Variants in SUPT20H observed in about 807,000 individuals in gnomAD.
SUPT20H encodes transcription factor SPT20 homolog.
A neutral mutation model predicts 122.8 loss-of-function variants in SUPT20H; 82 were observed. That is an observed-to-expected ratio of 0.67 (90% CI 0.56 to 0.80). SUPT20H has a LOEUF of 0.80. Ranked by LOEUF, SUPT20H falls within the 30% of genes least tolerant of loss-of-function variation. The pLI is 0.00. For missense variants in SUPT20H, 831 were observed against 921.6 expected (o/e 0.90, Z 1.27); for synonymous variants, 291 against 313.0 (o/e 0.93, Z 0.74).
chr13:37,015,618 C>G (rs910376397), intron 23 of SUPT20H, among the ~76,000 whole-genome samples: 10 of 152,078 alleles, frequency 6.6e-5, no homozygotes, highest in Non-Finnish European at 1.5e-4. Context: ...CTATGGAAAA[C>G]AGTATGATGC....
At chr13:37,040,374 CTGTT>C (rs910128263) in intron 9 of SUPT20H, 27 bp downstream of exon 9, 1 of 1,538,578 alleles carries the variant, frequency 6.5e-7, no homozygotes, top group African/African-American at 1.4e-5. Flanking sequence ...TATATTTTGC[CTGTT>C]TGAGATTAAA....
chr13:37,052,692 T>G (rs1310920271), intron 1 of SUPT20H, among the ~76,000 whole-genome samples: 1 of 152,122 alleles, frequency 6.6e-6, no homozygotes. Context: ...GGGATCTAAT[T>G]AAACTAAAGA....
Position 37,051,535 on chromosome 13 carries a change from G to A in SUPT20H, c.-45C>T, listed in dbSNP as rs560969109. ...CCAAAAGAAGAGATAACTTATGTAC[G>A]CTGATGAAGTGGGGTGAACACCATG... On this transcript the variant is annotated 5_prime_UTR_variant, in exon 2 of 26. Coordinates refer to ENST00000350612, the MANE Select transcript of SUPT20H (RefSeq NM_001014286.3). 1.1e-5 allele frequency: 18 copies of A among 1,600,548 alleles called. No individual in the cohort carries two copies. Among genetic ancestry groups the A allele is most frequent in the African/African-American group, 4.0e-5 (3 of 74,742 alleles).
intron 23 of SUPT20H, among the ~76,000 whole-genome samples, chr13:37,015,121 C>A (rs1256117111): frequency 1.3e-5 from 2 of 150,050 alleles, no homozygotes; most frequent in Non-Finnish European, 3.0e-5. Context: ...CAATATGATA[C>A]CAAAAGCACA....
At chr13:37,050,347 CAAA>C (rs61668901) in intron 2 of SUPT20H, among the ~76,000 whole-genome samples, 3 of 76,998 alleles carry the variant, frequency 3.9e-5, no homozygotes, top group Non-Finnish European at 7.3e-5. Context: ...CTGTCACTAC[CAAA>C]AAAAAAAAAA....
chr13:37,047,737 T>C lies in SUPT20H; in HGVS notation c.99-136A>G, dbSNP rs182424978. On this transcript the variant is annotated intron_variant, in intron 4 of 25. Coordinates refer to ENST00000350612, the MANE Select transcript of SUPT20H (RefSeq NM_001014286.3). Reference sequence around the variant, plus strand: ...AAAACTGGGGTGGAGCTGAATATAGTAGCTAACATCAACTTAGAAATTCCT... The same window carrying C: ...AAAACTGGGGTGGAGCTGAATATAGCAGCTAACATCAACTTAGAAATTCCT... 445 of 1,195,942 alleles carry C rather than the reference T, an allele frequency of 3.7e-4. 2 individuals carry two copies. In the East Asian group the frequency reaches 0.011, roughly 30 times the overall value. The allele number at this position is 1,195,942 out of a possible 1,614,324, so 74.1% of individuals were successfully genotyped here. A position where few individuals can be genotyped will look rare whatever the true frequency, so the allele number is the denominator to read the frequency against.
intron 13 of SUPT20H, 99 bp downstream of exon 13, chr13:37,029,666 G>T: frequency 1.0e-6 from 1 of 954,620 alleles, no homozygotes. Flanking sequence ...AAAGAAAAAA[G>T]GTCCCAAACT....
Position 37,009,491 on chromosome 13 carries a change from T to C in SUPT20H, c.*181A>G, listed in dbSNP as rs1351036784. 1.2e-6 allele frequency: 1 copy of C among 861,500 alleles called. No individual in the cohort carries two copies. Among genetic ancestry groups the C allele is most frequent in the African/African-American group, 1.7e-5 (1 of 58,566 alleles). 53.4% of individuals were successfully genotyped at this position (861,500 alleles called of 1,614,324 possible). ...AGCAATGACTTAGGCAAACCAACCC[T>C]AGTTTGTTAAACCATTTCCCTGTTT... On this transcript the variant is annotated 3_prime_UTR_variant, in exon 26 of 26. Transcript: ENST00000350612.
chr13:37,010,513 A>G, intron 25 of SUPT20H, 39 bp downstream of exon 25: 1 of 1,559,796 alleles, frequency 6.4e-7, no homozygotes, highest in African/African-American at 1.4e-5. Context: ...GGAGCTGAGT[A>G]TCTTTAAAAA....
Position 37,031,877 on chromosome 13 carries a change from G to A in SUPT20H, c.726C>T (p.Ser242=). Residue 242 remains serine, a synonymous_variant, in exon 11 of 26, where the codon TCC becomes TCT. Coordinates refer to ENST00000350612, the MANE Select transcript of SUPT20H (RefSeq NM_001014286.3). ...CTTGCTGCCGATTCAGAGAGGATCT[G>A]GAATACCTCTTGAAACACCTGAAAT... ...RPMKRCFKRY[S]RSSLNRQQDL... 6.3e-7 allele frequency: 1 copy of A among 1,590,772 alleles called. No homozygotes were observed. Among genetic ancestry groups the A allele is most frequent in the Non-Finnish European group, 8.5e-7 (1 of 1,172,978 alleles).
chr13:37,052,708 T>G (rs1002549225), intron 1 of SUPT20H, among the ~76,000 whole-genome samples: 4 of 152,180 alleles, frequency 2.6e-5, no homozygotes, highest in African/African-American at 4.8e-5. Context: ...AAAGAGCTTC[T>G]GCTCAGCAAA....
At chr13:37,010,747 A>G (rs983588660) in intron 24 of SUPT20H, 92 bp from the exon 25 acceptor site, 9 of 866,944 alleles carry the variant, frequency 1.0e-5, no homozygotes, top group Admixed American at 4.8e-5. Flanking sequence ...AAATAATAGA[A>G]AAGTTAGCAG....
In SUPT20H at chr13:37,010,590, G is replaced by A. The variant is rs891613689; in HGVS notation, c.2164C>T (p.Leu722Phe). Residue 722 changes from leucine (L) to phenylalanine (F), a missense_variant, in exon 25 of 26, where the codon CTC becomes TTC. Coordinates refer to ENST00000350612, the MANE Select transcript of SUPT20H (RefSeq NM_001014286.3). Reference protein sequence around the residue: ...EQSLPQQRFQLSSAFQQQQQQ... With the variant: ...EQSLPQQRFQFSSAFQQQQQQ... ...TGCTGCTGTTGAAAGGCAGAGGAGA[G>A]CTGGAATCTCTGCTGAGGAAGGCTT... 12 of 1,613,830 alleles carry A rather than the reference G, an allele frequency of 7.4e-6. No homozygotes were observed. The African/African-American group carries it at 1.5e-4, about 20-fold the overall frequency.
chr13:37,048,488 A>G, intron 3 of SUPT20H, 76 bp downstream of exon 3: 1 of 1,379,922 alleles, frequency 7.2e-7, no homozygotes, highest in Non-Finnish European at 9.8e-7. Context: ...AAAATCACAT[A>G]CAAAAATCTC....
chr13:37,009,484 C>T lies in SUPT20H; in HGVS notation c.*188G>A. 1.2e-6 allele frequency: 1 copy of T among 840,142 alleles called. No homozygotes were observed. Among genetic ancestry groups the T allele is most frequent in the Non-Finnish European group, 1.9e-6 (1 of 539,042 alleles). 52.0% of individuals were successfully genotyped at this position (840,142 alleles called of 1,614,324 possible). On this transcript the variant is annotated 3_prime_UTR_variant, in exon 26 of 26. Transcript: ENST00000350612. ...TTTAAAAAGCAATGACTTAGGCAAA[C>T]CAACCCTAGTTTGTTAAACCATTTC...
At chr13:37,046,424 T>C (rs1426424754) in intron 5 of SUPT20H, among the ~76,000 whole-genome samples, 3 of 152,202 alleles carry the variant, frequency 2.0e-5, no homozygotes, top group Non-Finnish European at 4.4e-5. Context: ...TTGCAAATTT[T>C]CTTTCTTAAT....
At position 37,031,962 on chromosome 13, in the gene SUPT20H, A is replaced by C. The variant is rs1594215744; in HGVS notation, c.708-67T>G. ...GAAACTCATAATATATGTGAGTTGA[A>C]ACTAGTCAGTGCTGAATATGTACAA... On this transcript the variant is annotated intron_variant, in intron 10 of 25. Transcript: ENST00000350612. The C allele has an allele frequency of 2.2e-6, 3 of 1,395,318 alleles. No individual in the cohort carries two copies. The East Asian group carries it at 7.1e-5, about 33-fold the overall frequency. The allele number at this position is 1,395,318 out of a possible 1,614,324, so 86.4% of individuals were successfully genotyped here.
chr13:37,033,099 C>G lies in SUPT20H; in HGVS notation c.707+350G>C, dbSNP rs191970050. Among the ~76,000 whole-genome samples, 22 of 151,026 alleles carry G rather than the reference C, an allele frequency of 1.5e-4. No individual in the cohort carries two copies. The East Asian group carries it at 4.3e-3, about 29-fold the overall frequency. On this transcript the variant is annotated intron_variant, in intron 10 of 25. Coordinates refer to ENST00000350612, the MANE Select transcript of SUPT20H (RefSeq NM_001014286.3). ...AAAAAGTTTATTCTTTAAAAGACTG[C>G]AGAAAATGCAACAGTTCAATCTAAA... is the stretch of plus-strand genomic sequence containing the variant.
At chr13:37,046,909 T>G (rs1050167228) in intron 5 of SUPT20H, 2 of 152,130 alleles carry the variant, frequency 1.3e-5, no homozygotes, top group Non-Finnish European at 2.9e-5. Context: ...GTTTTTGGCC[T>G]AAATAGTAAA....
Sources: gnomAD v4.1 joint callset for allele counts (sites outside exome capture counted in the v4.1 genomes callset) on GRCh38, gnomAD v4.1.1 for gene constraint, MANE v1.5 for transcripts, NCBI Gene and HGNC (gene_info 2026-07-23, HGNC 2026-07-21) for gene names.